OLFM3: variants seen among roughly 807,000 people sequenced by gnomAD.
OLFM3 encodes olfactomedin 3.
Under a neutral mutation model 48.6 loss-of-function variants are expected in OLFM3, and 20 were observed. The observed-to-expected ratio is 0.41, with a 90% CI of 0.29 to 0.60. OLFM3 has a LOEUF of 0.60. OLFM3 is among the 20% of genes least tolerant of loss of function. The pLI, the probability that OLFM3 is intolerant of heterozygous loss-of-function variation, is 0.28. For synonymous variants in OLFM3, 222 were observed against 198.1 expected, an observed-to-expected ratio of 1.12 and a Z score of -1.01; for missense variants, 437 against 544.3, an observed-to-expected ratio of 0.80 and a Z score of 1.96.
chr1:101,901,486 G>A (rs1168951928), intron 1 of OLFM3, among the ~76,000 whole-genome samples: 1 of 152,046 alleles, frequency 6.6e-6, no homozygotes, highest in Admixed American at 6.6e-5. Context: ...AAGGCTACAG[G>A]AATAAGAGTC....
chr1:101,899,019 C>A (rs981896113), intron 1 of OLFM3, among the ~76,000 whole-genome samples: 1 of 151,954 alleles, frequency 6.6e-6, no homozygotes, highest in Non-Finnish European at 1.5e-5. Flanking sequence ...AACAAAGTAC[C>A]CCAAAACTTA....
At chr1:101,911,749 A>G (rs994081052) in intron 1 of OLFM3, among the ~76,000 whole-genome samples, 16 of 152,188 alleles carry the variant, frequency 1.1e-4, no homozygotes, top group African/African-American at 3.9e-4. Context: ...CCAGACTAAG[A>G]AGCTACCACC....
chr1:101,936,931 AC>A (rs1557737394), intron 1 of OLFM3, among the ~76,000 whole-genome samples: 1 of 152,092 alleles, frequency 6.6e-6, no homozygotes, highest in Non-Finnish European at 1.5e-5. Context: ...GTGAAACTGG[AC>A]CCCTTCCGTA....
At chr1:101,891,248 A>T (rs1657983203) in intron 1 of OLFM3, among the ~76,000 whole-genome samples, 1 of 152,002 alleles carries the variant, frequency 6.6e-6, no homozygotes, top group African/African-American at 2.4e-5. Context: ...TCATTAACTT[A>T]GTATAAAAAA....
chr1:101,994,346 A>G (rs989101744), intron 1 of OLFM3, among the ~76,000 whole-genome samples: 5 of 151,058 alleles, frequency 3.3e-5, no homozygotes, highest in African/African-American at 1.2e-4. Context: ...TTTAAGTGTT[A>G]TCACAAATTA....
chr1:101,835,403 C>T (rs1361569463), intron 2 of OLFM3, among the ~76,000 whole-genome samples: 3 of 152,212 alleles, frequency 2.0e-5, no homozygotes, highest in African/African-American at 7.2e-5. Flanking sequence ...CAACCTCCGC[C>T]TCCCAGGTTC....
chr1:101,940,700 TTA>T (rs751459235), intron 1 of OLFM3, among the ~76,000 whole-genome samples: 9 of 148,892 alleles, frequency 6.0e-5, no homozygotes, highest in South Asian at 2.1e-4. Flanking sequence ...ATATCCAGTT[TTA>T]TATATATATA....
At chr1:101,822,569 C>G (rs1014786296) in intron 4 of OLFM3, among the ~76,000 whole-genome samples, 4 of 152,130 alleles carry the variant, frequency 2.6e-5, no homozygotes, top group Non-Finnish European at 5.9e-5. Flanking sequence ...CAGACAAATC[C>G]TACAGATTGT....
chr1:101,953,782 G>A (rs985424993), intron 1 of OLFM3, among the ~76,000 whole-genome samples: 2 of 152,086 alleles, frequency 1.3e-5, no homozygotes, highest in African/African-American at 2.4e-5. Context: ...AGGATGCTGG[G>A]CCCAGCAGGT....
In OLFM3 at chr1:101,959,432, T is replaced by G. The variant is rs1570667612; in HGVS notation, c.69+37316A>C. Reference sequence around the variant, plus strand: ...AGAAAAGACTGGCCCACAACTTGAGTGCATTGTTCACTGTGAATCTTGATA... The same window carrying G: ...AGAAAAGACTGGCCCACAACTTGAGGGCATTGTTCACTGTGAATCTTGATA... On this transcript the variant is annotated intron_variant, in intron 1 of 5. Transcript: ENST00000370103. Among the ~76,000 whole-genome samples the G allele has an allele frequency of 2.0e-5, 3 of 152,070 alleles. No individual in the cohort carries two copies. The South Asian group carries it at 6.2e-4, about 32-fold the overall frequency.
chr1:101,968,533 GAAAA>G (rs3082438), intron 1 of OLFM3, among the ~76,000 whole-genome samples: 2 of 118,516 alleles, frequency 1.7e-5, no homozygotes, highest in Admixed American at 9.3e-5. Context: ...TTTTTGTTCT[GAAAA>G]AAAAAAAAAA....
At chr1:101,818,631 C>T (rs1341902527) in intron 4 of OLFM3, among the ~76,000 whole-genome samples, 4 of 152,046 alleles carry the variant, frequency 2.6e-5, no homozygotes, top group Admixed American at 6.6e-5. Context: ...TGAGATCTTT[C>T]GTGTCTCTTG....
At chr1:101,872,639 A>G (rs1471483815) in intron 1 of OLFM3, among the ~76,000 whole-genome samples, 2 of 152,036 alleles carry the variant, frequency 1.3e-5, no homozygotes, top group African/African-American at 4.8e-5. Context: ...CTCAGAAGTT[A>G]GACTTTCCAA....
At chr1:101,822,792 A>G (rs1654671639) in intron 4 of OLFM3, among the ~76,000 whole-genome samples, 1 of 152,278 alleles carries the variant, frequency 6.6e-6, no homozygotes, top group African/African-American at 2.4e-5. Flanking sequence ...AGAATCAAAT[A>G]TAACAGCAGA....
intron 1 of OLFM3, among the ~76,000 whole-genome samples, chr1:101,888,867 A>AAG (rs1390200018): frequency 6.6e-6 from 1 of 152,222 alleles, no homozygotes; most frequent in Admixed American, 6.5e-5. Context: ...TTCTCAAAAG[A>AAG]AGACATTTAT....
intron 1 of OLFM3, among the ~76,000 whole-genome samples, chr1:101,871,291 GA>G (rs1455561408): frequency 1.3e-5 from 2 of 151,902 alleles, no homozygotes; most frequent in African/African-American, 2.4e-5. Context: ...AATGCGTGTT[GA>G]AAAAAAGTTT....
At chr1:101,958,731 C>T (rs769021361) in intron 1 of OLFM3, among the ~76,000 whole-genome samples, 83 of 151,232 alleles carry the variant, frequency 5.5e-4, no homozygotes, top group Non-Finnish European at 1.0e-3. Flanking sequence ...TTTTTCCTCT[C>T]AAATAGAGTG....
intron 1 of OLFM3, among the ~76,000 whole-genome samples, chr1:101,983,912 T>A (rs1209837152): frequency 1.3e-5 from 2 of 152,198 alleles, no homozygotes; most frequent in African/African-American, 4.8e-5. Flanking sequence ...ACGTTTTGAC[T>A]GATGACAGCG....
intron 1 of OLFM3, among the ~76,000 whole-genome samples, chr1:101,970,473 C>T (rs990737586): frequency 2.0e-5 from 3 of 152,198 alleles, no homozygotes; most frequent in South Asian, 2.1e-4. Context: ...TCTTTTCTTT[C>T]TCCCTTTCAT....
Sources: gnomAD v4.1 joint callset for allele counts (sites outside exome capture counted in the v4.1 genomes callset) on GRCh38, gnomAD v4.1.1 for gene constraint, MANE v1.5 for transcripts, NCBI Gene and HGNC (gene_info 2026-07-23, HGNC 2026-07-21) for gene names.